Variants in EFCAB6 observed in about 807,000 individuals in gnomAD.
The protein encoded by EFCAB6 is EF-hand calcium binding domain 6.
A neutral mutation model predicts 169.8 loss-of-function variants in EFCAB6; 156 were observed. The observed-to-expected ratio is 0.92, with a 90% CI of 0.81 to 1.05. The LOEUF is 1.05. Ranked by LOEUF, EFCAB6 falls within the 50% of genes least tolerant of loss-of-function variation. The probability of loss-of-function intolerance (pLI) is 0.00; values close to 1 mark genes in which losing one functional copy is unlikely to be tolerated. For synonymous variants in EFCAB6, 698 were observed against 676.4 expected (o/e 1.03, Z -0.50); for missense variants, 1,800 against 1,829.1 (o/e 0.98, Z 0.29).
At chr22:43,541,963 C>A (rs1275200917) in intron 27 of EFCAB6, among the ~76,000 whole-genome samples, 1 of 152,202 alleles carries the variant, frequency 6.6e-6, no homozygotes, top group East Asian at 1.9e-4. Flanking sequence ...ACTGGTCAGA[C>A]CCAGGGGAAG....
intron 4 of EFCAB6, among the ~76,000 whole-genome samples, chr22:43,768,246 A>G (rs537757841): frequency 6.6e-6 from 1 of 152,334 alleles, no homozygotes; most frequent in South Asian, 2.1e-4. Context: ...AAACCTCCTC[A>G]TACTTCCTGC....
chr22:43,680,649 TAAA>T (rs1406033338), intron 12 of EFCAB6, among the ~76,000 whole-genome samples: 1 of 152,214 alleles, frequency 6.6e-6, no homozygotes, highest in Non-Finnish European at 1.5e-5. Flanking sequence ...ATTTTCAGTA[TAAA>T]AATCTGGCAC....
At chr22:43,582,092 G>C (rs2050764111) in intron 24 of EFCAB6, among the ~76,000 whole-genome samples, 1 of 152,148 alleles carries the variant, frequency 6.6e-6, no homozygotes. Flanking sequence ...CACCCGCATT[G>C]AAAGGTGGGC....
At chr22:43,613,573 A>G (rs1437593005) in intron 21 of EFCAB6, among the ~76,000 whole-genome samples, 1 of 152,138 alleles carries the variant, frequency 6.6e-6, no homozygotes, top group African/African-American at 2.4e-5. Context: ...GAACACATGG[A>G]CACAAAGAAG....
Position 43,672,269 on chromosome 22 carries a change from G to A in EFCAB6, c.1456C>T (p.Pro486Ser). ...ACTGAATCCCAGGCCAGGAGGAAAG[G>A]TGTCTTAGCATCTGTACAGGGAGAT... ...KTSPCTDAKT[P>S]FLLAWDSVEE... Residue 486 changes from proline to serine, a missense_variant, in exon 14 of 32, where the codon CCT becomes TCT. By Grantham distance (74) the Pro-to-Ser change is moderately conservative. Coordinates refer to ENST00000262726, the MANE Select transcript of EFCAB6 (RefSeq NM_022785.4). 6.2e-7 allele frequency: 1 copy of A among 1,614,158 alleles called. No individual in the cohort carries two copies. The highest frequency in any genetic ancestry group is 8.5e-7 in the Non-Finnish European group (1 of 1,179,994).
chr22:43,590,079 T>C lies in EFCAB6; in HGVS notation c.3027A>G (p.Leu1009=), dbSNP rs866757728. Residue 1009 remains leucine, a synonymous_variant, in exon 24 of 32, where the codon CTA becomes CTG. Coordinates refer to ENST00000262726, the MANE Select transcript of EFCAB6 (RefSeq NM_022785.4). ...SLTEGELTHL[L]NSWGVSRHDN... Reference sequence around the variant, plus strand: ...TTAACTGAGTCCAAAAAGACCTGTTTAGCAGATGGGTCAGCTCCCCTTCGG... The same window carrying C: ...TTAACTGAGTCCAAAAAGACCTGTTCAGCAGATGGGTCAGCTCCCCTTCGG... 5.6e-6 allele frequency: 9 copies of C among 1,613,228 alleles called. No homozygotes were observed. In the African/African-American group the frequency reaches 9.3e-5, roughly 17 times the overall value.
intron 8 of EFCAB6, among the ~76,000 whole-genome samples, chr22:43,719,086 G>A (rs2059433836): frequency 6.6e-6 from 1 of 152,180 alleles, no homozygotes; most frequent in Admixed American, 6.5e-5. Context: ...TGGAAGGGTG[G>A]AGAAGGGATT....
rs2046894179 is a variant in EFCAB6, at chr22:43,528,896, GAA to G, written c.4461_4462del (p.Ser1488LysfsTer33). ...GAGGAAGTCGTTGTAGGAGATTTTT[GAA>G]GACAGCGTCTTATCGTAATACTCCA... is the stretch of plus-strand genomic sequence containing the variant. On this transcript the variant is annotated frameshift_variant, in exon 32 of 32. Coordinates refer to ENST00000262726, the MANE Select transcript of EFCAB6 (RefSeq NM_022785.4). LOFTEE classifies it high-confidence loss of function. The G allele has an allele frequency of 3.1e-6, 5 of 1,611,636 alleles. No individual in the cohort carries two copies. The Admixed American group carries it at 8.3e-5, about 27-fold the overall frequency.
At position 43,772,850 on chromosome 22, in the gene EFCAB6, G is replaced by A. The variant is rs749622640; in HGVS notation, c.351+42C>T. The A allele has an allele frequency of 1.9e-5, 30 of 1,604,486 alleles. No individual in the cohort carries two copies. The South Asian group carries it at 3.1e-4, about 17-fold the overall frequency. Reference sequence around the variant, plus strand: ...CTGCTCCCCTGATCTACCTCAGCTTGTCTGGAATTGAGGGATTCTAAGTAT... The same window carrying A: ...CTGCTCCCCTGATCTACCTCAGCTTATCTGGAATTGAGGGATTCTAAGTAT... On this transcript the variant is annotated intron_variant, in intron 4 of 31. Coordinates refer to ENST00000262726, the MANE Select transcript of EFCAB6 (RefSeq NM_022785.4).
At chr22:43,553,697 C>T (rs982926832) in intron 27 of EFCAB6, 1 of 152,338 alleles carries the variant, frequency 6.6e-6, no homozygotes, top group Non-Finnish European at 1.5e-5. Flanking sequence ...CCACAGCTGC[C>T]ATGGCAAGGC....
intron 17 of EFCAB6, among the ~76,000 whole-genome samples, chr22:43,652,559 T>C (rs1203094733): frequency 1.3e-5 from 2 of 152,158 alleles, no homozygotes; most frequent in Non-Finnish European, 2.9e-5. Flanking sequence ...GCTAACAGCC[T>C]TGCCAAAATT....
chr22:43,560,651 C>T (rs2048972149), intron 26 of EFCAB6, among the ~76,000 whole-genome samples: 1 of 152,098 alleles, frequency 6.6e-6, no homozygotes, highest in South Asian at 2.1e-4. Flanking sequence ...GTGGGTGCCA[C>T]GGGAAGTGCA....
chr22:43,654,603 C>T (rs2056644313), intron 17 of EFCAB6, among the ~76,000 whole-genome samples: 2 of 152,332 alleles, frequency 1.3e-5, no homozygotes, highest in Admixed American at 1.3e-4. Context: ...AATATCTGAT[C>T]AGTAATCCTC....
At chr22:43,655,853 A>C (rs6006518) in intron 17 of EFCAB6, among the ~76,000 whole-genome samples, 5,168 of 152,322 alleles carry the variant, frequency 0.034, 273 homozygotes, top group African/African-American at 0.12. Context: ...CATTATTATC[A>C]GATGACATAG....
chr22:43,626,330 A>G (rs1196980160), intron 20 of EFCAB6, 117 bp downstream of exon 20: 2 of 1,063,232 alleles, frequency 1.9e-6, no homozygotes, highest in Admixed American at 2.8e-5. Context: ...ACCAAGAAAA[A>G]GAAAAAAATA....
At chr22:43,587,282 G>A (rs1282580908) in intron 24 of EFCAB6, among the ~76,000 whole-genome samples, 1 of 152,174 alleles carries the variant, frequency 6.6e-6, no homozygotes, top group Non-Finnish European at 1.5e-5. Flanking sequence ...CCAAGGTAGG[G>A]AGGGTTCTTA....
chr22:43,687,326 A>G (rs1401006804), intron 11 of EFCAB6, 145 bp downstream of exon 11: 28 of 535,892 alleles, frequency 5.2e-5, no homozygotes. Flanking sequence ...TAAGCAGTAA[A>G]TCACTATATA....
intron 24 of EFCAB6, among the ~76,000 whole-genome samples, chr22:43,589,511 G>A (rs1257244693): frequency 3.3e-5 from 5 of 152,134 alleles, no homozygotes; most frequent in Admixed American, 6.5e-5. Context: ...ATGTTGGCTG[G>A]GCGCAGTGGC....
At chr22:43,673,112 A>G (rs999920729) in intron 13 of EFCAB6, among the ~76,000 whole-genome samples, 1 of 152,176 alleles carries the variant, frequency 6.6e-6, no homozygotes, top group African/African-American at 2.4e-5. Context: ...TTTTGTCTCA[A>G]GGTACATTTG....
Sources: gnomAD v4.1 joint callset for allele counts (sites outside exome capture counted in the v4.1 genomes callset) on GRCh38, gnomAD v4.1.1 for gene constraint, MANE v1.5 for transcripts, NCBI Gene and HGNC (gene_info 2026-07-23, HGNC 2026-07-21) for gene names.